Variants in KCNH5 observed in about 807,000 individuals in gnomAD.
KCNH5 encodes voltage-gated delayed rectifier potassium channel KCNH5.
Under a neutral mutation model 96.1 loss-of-function variants are expected in KCNH5, and 46 were observed. The ratio of observed to expected loss-of-function variants is 0.48; its 90% confidence interval spans 0.38 to 0.61. The LOEUF (loss-of-function observed/expected upper bound fraction) is 0.61. Ranked by LOEUF, KCNH5 falls within the 20% of genes least tolerant of loss-of-function variation. The pLI, the probability that KCNH5 is intolerant of heterozygous loss-of-function variation, is 0.00. For synonymous variants in KCNH5, 439 were observed against 449.8 expected, an observed-to-expected ratio of 0.98 and a Z score of 0.30; for missense variants, 907 against 1,225.8, an observed-to-expected ratio of 0.74 and a Z score of 3.88.
At chr14:63,027,556 C>A (rs1193357086) in intron 1 of KCNH5, among the ~76,000 whole-genome samples, 2 of 150,272 alleles carry the variant, frequency 1.3e-5, no homozygotes, top group Middle Eastern at 3.6e-3. Context: ...CTATACCTGG[C>A]AAATACTTGA....
intron 7 of KCNH5, among the ~76,000 whole-genome samples, chr14:62,936,977 T>C: frequency 1.6e-5 from 1 of 62,394 alleles, no homozygotes; most frequent in East Asian, 5.5e-4. Flanking sequence ...TGAGACTCCA[T>C]CTCAAAAAAA....
At position 62,779,797 on chromosome 14, in the gene KCNH5, C is replaced by T; in HGVS notation, c.1950G>A (p.Leu650=). 6.2e-7 allele frequency: 1 copy of T among 1,613,926 alleles called. No homozygotes were observed. The change falls in exon 10 of 11, where the codon CTG becomes CTA. Residue 650 remains leucine, a synonymous_variant. Coordinates refer to ENST00000322893, the MANE Select transcript of KCNH5 (RefSeq NM_139318.5). ...IIKREALLKV[L]DFYTAFANSF... is the part of the protein sequence containing the mutation. ...AGTTTGCAAAAGCTGTATAAAAGTC[C>T]AGGACTTTGAGCAAGGCTTCCCGCT...
At chr14:62,744,177 T>C (rs1169769671) in intron 10 of KCNH5, among the ~76,000 whole-genome samples, 1 of 152,192 alleles carries the variant, frequency 6.6e-6, no homozygotes, top group Non-Finnish European at 1.5e-5. Flanking sequence ...CTACGGGATG[T>C]ATTATATATA....
At chr14:63,002,901 GT>G (rs747993061) in intron 3 of KCNH5, among the ~76,000 whole-genome samples, 23 of 151,974 alleles carry the variant, frequency 1.5e-4, no homozygotes, top group Admixed American at 3.9e-4. Flanking sequence ...ATTTTTTTCT[GT>G]TTTCGTATTT....
chr14:62,933,539 T>C (rs1044423729), intron 7 of KCNH5, among the ~76,000 whole-genome samples: 6 of 152,036 alleles, frequency 3.9e-5, no homozygotes, highest in South Asian at 2.1e-4. Flanking sequence ...AAGAGAATTA[T>C]ATAATTTTAT....
chr14:62,769,006 A>G (rs1885925992), intron 10 of KCNH5, among the ~76,000 whole-genome samples: 1 of 152,260 alleles, frequency 6.6e-6, no homozygotes, highest in African/African-American at 2.4e-5. Flanking sequence ...CCTCTGCTTC[A>G]TCTAAATGCA....
chr14:62,877,958 A>G (rs1293629404), intron 7 of KCNH5, among the ~76,000 whole-genome samples: 2 of 151,728 alleles, frequency 1.3e-5, no homozygotes, highest in African/African-American at 4.8e-5. Context: ...ATGTCCAACA[A>G]TGATAGACTG....
At chr14:62,740,316 G>A (rs1885245124) in intron 10 of KCNH5, among the ~76,000 whole-genome samples, 1 of 152,148 alleles carries the variant, frequency 6.6e-6, no homozygotes, top group Admixed American at 6.5e-5. Flanking sequence ...TTTGTTGAGT[G>A]TGTGTGCACA....
intron 10 of KCNH5, among the ~76,000 whole-genome samples, chr14:62,746,683 G>A (rs1885382451): frequency 6.6e-6 from 1 of 152,102 alleles, no homozygotes; most frequent in African/African-American, 2.4e-5. Context: ...ATAACCCTGT[G>A]GAGTATTTTT....
chr14:62,815,665 A>G (rs1566669490), intron 8 of KCNH5, among the ~76,000 whole-genome samples: 1 of 152,040 alleles, frequency 6.6e-6, no homozygotes, highest in African/African-American at 2.4e-5. Flanking sequence ...AGTTTACATT[A>G]TAAACAAAGT....
At chr14:62,882,007 T>C (rs755669232) in intron 7 of KCNH5, among the ~76,000 whole-genome samples, 12 of 149,618 alleles carry the variant, frequency 8.0e-5, no homozygotes, top group Non-Finnish European at 1.8e-4. Flanking sequence ...TCAATGCCTG[T>C]AATCCCAGCA....
At chr14:63,018,584 T>C (rs2356100) in intron 1 of KCNH5, among the ~76,000 whole-genome samples, 28,044 of 151,950 alleles carry the variant, frequency 0.18, 3,349 homozygotes, top group Admixed American at 0.27. Flanking sequence ...GAGAAGGCCA[T>C]GCATTAGGAG....
chr14:62,762,015 A>G (rs1228550279), intron 10 of KCNH5, among the ~76,000 whole-genome samples: 1 of 152,170 alleles, frequency 6.6e-6, no homozygotes, highest in Non-Finnish European at 1.5e-5. Context: ...GGAGTGGACC[A>G]TTCTTGCCAT....
chr14:62,748,163 G>A (rs1885419059), intron 10 of KCNH5, among the ~76,000 whole-genome samples: 1 of 152,110 alleles, frequency 6.6e-6, no homozygotes, highest in Admixed American at 6.5e-5. Context: ...GTGGTGAAAG[G>A]ACAGCTACTC....
chr14:63,017,441 TG>T (rs1891346821), intron 1 of KCNH5, among the ~76,000 whole-genome samples: 1 of 151,904 alleles, frequency 6.6e-6, no homozygotes, highest in Non-Finnish European at 1.5e-5. Flanking sequence ...AGACTAATCT[TG>T]AAAAGTCTAA....
rs1055162621 is a variant in KCNH5 at position 62,701,031 on chromosome 14, G to T, written c.*6477C>A. On this transcript the variant is annotated 3_prime_UTR_variant, in exon 11 of 11. Coordinates refer to ENST00000322893, the MANE Select transcript of KCNH5 (RefSeq NM_139318.5). ...CAATCTGGTTTATTGAAGCTTCAAG[G>T]TGAATATTTTGGCTTTGACTGCTTT... 11 of 152,146 alleles carry T rather than the reference G, an allele frequency of 7.2e-5. No homozygotes were observed. Among genetic ancestry groups the T allele is most frequent in the African/African-American group, 2.7e-4 (11 of 41,442 alleles). 9.4% of individuals were successfully genotyped at this position (152,146 alleles called of 1,614,324 possible).
At chr14:62,940,987 G>A (rs541155902) in intron 7 of KCNH5, among the ~76,000 whole-genome samples, 3 of 152,156 alleles carry the variant, frequency 2.0e-5, no homozygotes, top group African/African-American at 7.2e-5. Flanking sequence ...GAAGGCAGAG[G>A]TGGACATTGA....
At chr14:62,983,146 C>T (rs1393613224) in intron 5 of KCNH5, among the ~76,000 whole-genome samples, 1 of 152,128 alleles carries the variant, frequency 6.6e-6, no homozygotes. Context: ...GGGTGCATTA[C>T]CACCTTCGTG....
chr14:62,735,075 A>G (rs147693651), intron 10 of KCNH5, among the ~76,000 whole-genome samples: 5 of 152,300 alleles, frequency 3.3e-5, no homozygotes, highest in African/African-American at 4.8e-5. Context: ...GGAAGATGTC[A>G]TATCTGTCTC....
Sources: allele counts gnomAD v4.1 joint callset (sites outside exome capture counted in the v4.1 genomes callset), GRCh38; gene constraint gnomAD v4.1.1; transcripts MANE v1.5; gene names NCBI Gene and HGNC (gene_info 2026-07-23, HGNC 2026-07-21).